Variants in PLEKHM3 observed in about 807,000 individuals in gnomAD.
PLEKHM3 encodes pleckstrin homology domain-containing family M member 3.
A neutral mutation model predicts 81.8 loss-of-function variants in PLEKHM3; 45 were observed. The ratio of observed to expected loss-of-function variants is 0.55; its 90% CI spans 0.43 to 0.71. The LOEUF is 0.71. PLEKHM3 is among the 30% of genes least tolerant of loss of function. The probability of loss-of-function intolerance (pLI) is 0.00; values close to 1 mark genes in which losing one functional copy is unlikely to be tolerated. For synonymous variants in PLEKHM3, 352 were observed against 356.4 expected (o/e 0.99, Z 0.14); for missense variants, 788 against 924.3 (o/e 0.85, Z 1.91).
chr2:207,950,574 CT>C (rs1690295889), intron 3 of PLEKHM3, among the ~76,000 whole-genome samples: 1 of 152,134 alleles, frequency 6.6e-6, no homozygotes, highest in African/African-American at 2.4e-5. Context: ...CATCCTCCCC[CT>C]CCCATCCTAT....
At chr2:207,940,175 C>A (rs1689892425) in intron 4 of PLEKHM3, among the ~76,000 whole-genome samples, 1 of 152,086 alleles carries the variant, frequency 6.6e-6, no homozygotes, top group Non-Finnish European at 1.5e-5. Context: ...GAGAGCTCAC[C>A]TTTATAGAGA....
chr2:207,849,838 GCA>G (rs1289224751), intron 7 of PLEKHM3, among the ~76,000 whole-genome samples: 3 of 152,086 alleles, frequency 2.0e-5, no homozygotes, highest in African/African-American at 7.2e-5. Context: ...ATATACTTAG[GCA>G]AGCTTAAACC....
chr2:207,920,106 A>G (rs945488220), intron 5 of PLEKHM3, among the ~76,000 whole-genome samples: 32 of 152,228 alleles, frequency 2.1e-4, no homozygotes, highest in Non-Finnish European at 2.9e-4. Context: ...AATTTGAAAT[A>G]AAATGTGACA....
intron 2 of PLEKHM3, among the ~76,000 whole-genome samples, chr2:207,989,324 G>A (rs1298902977): frequency 6.6e-6 from 1 of 152,192 alleles, no homozygotes; most frequent in Non-Finnish European, 1.5e-5. Flanking sequence ...AGAGAAGAAA[G>A]AGAGGGCTTT....
intron 7 of PLEKHM3, among the ~76,000 whole-genome samples, chr2:207,838,332 A>C (rs1272263639): frequency 1.3e-5 from 2 of 152,206 alleles, no homozygotes; most frequent in Non-Finnish European, 2.9e-5. Context: ...TAAGCCCCAG[A>C]GTTAATTAAG....
chr2:207,892,222 T>C (rs574244525), intron 6 of PLEKHM3, among the ~76,000 whole-genome samples: 3 of 152,312 alleles, frequency 2.0e-5, no homozygotes, highest in African/African-American at 7.2e-5. Flanking sequence ...GGCTGTAAAA[T>C]AGACTCCGTA....
intron 2 of PLEKHM3, among the ~76,000 whole-genome samples, chr2:207,982,859 T>A (rs1021421006): frequency 6.6e-6 from 1 of 152,044 alleles, no homozygotes; most frequent in African/African-American, 2.4e-5. Flanking sequence ...ATTACAGGCA[T>A]GAGCCACCGC....
intron 4 of PLEKHM3, among the ~76,000 whole-genome samples, chr2:207,937,570 TA>T (rs771283946): frequency 5.4e-3 from 686 of 127,920 alleles, no homozygotes; most frequent in Middle Eastern, 0.012. Context: ...ACACTGTCTC[TA>T]AAAAAAAAAA....
chr2:207,939,963 A>G (rs1689884016), intron 4 of PLEKHM3, among the ~76,000 whole-genome samples: 1 of 152,196 alleles, frequency 6.6e-6, no homozygotes, highest in Non-Finnish European at 1.5e-5. Flanking sequence ...CATATCTGGC[A>G]GTGGTGACTG....
chr2:207,860,682 A>AG (rs1273790819), intron 7 of PLEKHM3, among the ~76,000 whole-genome samples: 1 of 152,164 alleles, frequency 6.6e-6, no homozygotes, highest in Admixed American at 6.5e-5. Flanking sequence ...GCACATGGCC[A>AG]GGCAGCAGCT....
chr2:207,856,558 G>A (rs2092438664), intron 7 of PLEKHM3, among the ~76,000 whole-genome samples: 1 of 152,180 alleles, frequency 6.6e-6, no homozygotes, highest in African/African-American at 2.4e-5. Context: ...AGTTGGAATC[G>A]TATAGTACGT....
chr2:207,856,220 C>G (rs2092436757), intron 7 of PLEKHM3, among the ~76,000 whole-genome samples: 1 of 152,078 alleles, frequency 6.6e-6, no homozygotes, highest in African/African-American at 2.4e-5. Flanking sequence ...TTCCCATATT[C>G]CACCCCACCA....
At chr2:207,897,611 C>G (rs550224494) in intron 6 of PLEKHM3, among the ~76,000 whole-genome samples, 32 of 152,252 alleles carry the variant, frequency 2.1e-4, no homozygotes, top group African/African-American at 7.5e-4. Context: ...AGACAGGCAG[C>G]CTCCAAAGCT....
intron 7 of PLEKHM3, among the ~76,000 whole-genome samples, chr2:207,841,011 G>A (rs2092348089): frequency 6.6e-6 from 1 of 150,716 alleles, no homozygotes; most frequent in Non-Finnish European, 1.5e-5. Flanking sequence ...TAAAGACAGG[G>A]TTTCACCATG....
chr2:207,885,797 T>C (rs1402229334), intron 6 of PLEKHM3, among the ~76,000 whole-genome samples: 1 of 152,204 alleles, frequency 6.6e-6, no homozygotes, highest in Admixed American at 6.5e-5. Flanking sequence ...GCAGTTCTGA[T>C]AGGAAAACGA....
At chr2:207,855,329 T>C (rs1385841362) in intron 7 of PLEKHM3, among the ~76,000 whole-genome samples, 1 of 152,076 alleles carries the variant, frequency 6.6e-6, no homozygotes, top group Non-Finnish European at 1.5e-5. Flanking sequence ...TGGGACAGTC[T>C]GAACAATAAA....
At position 207,990,625 on chromosome 2, in the gene PLEKHM3, G is replaced by A. The variant is rs193109153; in HGVS notation, c.610+10405C>T. On this transcript the variant is annotated intron_variant, in intron 2 of 7. Coordinates refer to ENST00000427836, the MANE Select transcript of PLEKHM3 (RefSeq NM_001080475.3). ...CACTAATCATGACACTGCCACACAT[G>A]TCCATAGCAAAGAACATGAAGAGAG... Among the ~76,000 whole-genome samples, 367 of 152,256 alleles carry A rather than the reference G, an allele frequency of 2.4e-3. 2 individuals are homozygous for A. Among genetic ancestry groups the A allele is most frequent in the African/African-American group, 8.3e-3 (344 of 41,536 alleles).
At chr2:207,847,812 T>C (rs2092392421) in intron 7 of PLEKHM3, among the ~76,000 whole-genome samples, 1 of 152,214 alleles carries the variant, frequency 6.6e-6, no homozygotes, top group African/African-American at 2.4e-5. Flanking sequence ...ACTGAGTGGC[T>C]GCTTCCCAAG....
intron 7 of PLEKHM3, among the ~76,000 whole-genome samples, chr2:207,836,953 GA>G (rs1454474077): frequency 2.0e-5 from 3 of 152,226 alleles, no homozygotes; most frequent in Non-Finnish European, 4.4e-5. Context: ...GTGGGGCTCA[GA>G]AATAAGTGCA....
Sources: gnomAD v4.1 joint callset for allele counts (sites outside exome capture counted in the v4.1 genomes callset) on GRCh38, gnomAD v4.1.1 for gene constraint, MANE v1.5 for transcripts, NCBI Gene and HGNC (gene_info 2026-07-23, HGNC 2026-07-21) for gene names.